FBXL7: variants seen among roughly 807,000 people sequenced by gnomAD.
FBXL7 encodes F-box/LRR-repeat protein 7.
In FBXL7, 12 loss-of-function variants were observed where a neutral mutation model predicts 38.3. The observed-to-expected ratio is 0.31, with a 90% CI of 0.20 to 0.51. FBXL7 has a LOEUF of 0.51. Among genes scored for constraint, FBXL7 ranks in the 20% least tolerant of loss-of-function variants. The pLI, the probability that FBXL7 is intolerant of heterozygous loss-of-function variation, is 0.98. For synonymous variants in FBXL7, 297 were observed against 300.9 expected (o/e 0.99, Z 0.13); for missense variants, 567 against 676.4 (o/e 0.84, Z 1.79).
chr5:15,548,440 C>T (rs1057202991), intron 1 of FBXL7, among the ~76,000 whole-genome samples: 5 of 152,154 alleles, frequency 3.3e-5, no homozygotes, highest in Admixed American at 2.0e-4. Flanking sequence ...CATACAGGTC[C>T]TGGGTAGTAA....
At chr5:15,857,402 CAG>C (rs1219347408) in intron 2 of FBXL7, among the ~76,000 whole-genome samples, 1 of 152,184 alleles carries the variant, frequency 6.6e-6, no homozygotes, top group Non-Finnish European at 1.5e-5. Context: ...CTGAGGAACA[CAG>C]AGAGAGCCTA....
Position 15,620,411 on chromosome 5 carries a change from T to TG in FBXL7, c.127+4339_127+4340insG, listed in dbSNP as rs1396105006. ...CCACGCCCAGCTAATTTTTTGTTTT[T>TG]TGTTTTTTTTTTTTTTTAAGTAGAA... is the stretch of plus-strand genomic sequence containing the variant. On this transcript the variant is annotated intron_variant, in intron 2 of 3. Transcript: ENST00000504595. 7.3e-5 allele frequency among the ~76,000 whole-genome samples: 8 copies of TG among 109,508 alleles called. No homozygotes were observed. In the East Asian group the frequency reaches 3.8e-3, roughly 52 times the overall value. The allele number at this position is 109,508 out of a possible 152,430, so 71.8% of individuals were successfully genotyped here.
At chr5:15,641,218 A>G (rs1368024092) in intron 2 of FBXL7, among the ~76,000 whole-genome samples, 2 of 152,240 alleles carry the variant, frequency 1.3e-5, no homozygotes, top group East Asian at 3.9e-4. Context: ...GAGTTGACCT[A>G]GTCCCACCTA....
chr5:15,739,964 G>A (rs199630275), intron 2 of FBXL7, among the ~76,000 whole-genome samples: 15 of 152,154 alleles, frequency 9.9e-5, no homozygotes, highest in African/African-American at 2.7e-4. Context: ...GGAACTGCCC[G>A]ACTATTCACC....
chr5:15,576,430 A>G (rs1456228402), intron 1 of FBXL7, among the ~76,000 whole-genome samples: 1 of 152,148 alleles, frequency 6.6e-6, no homozygotes, highest in Non-Finnish European at 1.5e-5. Flanking sequence ...GGCTGGGTTT[A>G]TCCTGAAGCA....
At chr5:15,812,168 T>A (rs1165621595) in intron 2 of FBXL7, among the ~76,000 whole-genome samples, 1 of 152,104 alleles carries the variant, frequency 6.6e-6, no homozygotes, top group Non-Finnish European at 1.5e-5. Context: ...TAAAAAGGAA[T>A]AAGTTCAGGT....
rs563521122 is a variant in FBXL7 at position 15,521,570 on chromosome 5, T to C, written c.37+20857T>C. 7.9e-4 allele frequency among the ~76,000 whole-genome samples: 121 copies of C among 152,338 alleles called. 2 individuals carry two copies. The highest frequency in any genetic ancestry group is 6.8e-3 in the Middle Eastern group (2 of 294). On this transcript the variant is annotated intron_variant, in intron 1 of 3. Coordinates refer to ENST00000504595, the MANE Select transcript of FBXL7 (RefSeq NM_012304.5). The stretch of plus-strand genomic sequence containing the variant: ...ATTGTGTATTTGGGCGGTGGTTATA[T>C]AGATTTAGATGCTTTCACTTTGGGA...
chr5:15,902,643 G>A (rs1032552200), intron 2 of FBXL7, among the ~76,000 whole-genome samples: 3 of 152,226 alleles, frequency 2.0e-5, no homozygotes, highest in African/African-American at 7.2e-5. Context: ...CTTGATGACA[G>A]AATTTGCTAG....
At chr5:15,699,187 G>A (rs986267972) in intron 2 of FBXL7, among the ~76,000 whole-genome samples, 1 of 152,076 alleles carries the variant, frequency 6.6e-6, no homozygotes, top group East Asian at 1.9e-4. Flanking sequence ...TAATTGGGGG[G>A]TATGTTCATT....
At chr5:15,654,725 AT>A in intron 2 of FBXL7, among the ~76,000 whole-genome samples, 1 of 152,138 alleles carries the variant, frequency 6.6e-6, no homozygotes. Context: ...TATGAGAGAT[AT>A]TGTCCAACAT....
chr5:15,913,435 T>G (rs528434888), intron 2 of FBXL7, among the ~76,000 whole-genome samples: 1 of 152,326 alleles, frequency 6.6e-6, no homozygotes, highest in East Asian at 1.9e-4. Context: ...GTGTTCTAAT[T>G]ACTTATTGAT....
chr5:15,860,329 T>G (rs768579847), intron 2 of FBXL7, among the ~76,000 whole-genome samples: 1 of 152,198 alleles, frequency 6.6e-6, no homozygotes, highest in Non-Finnish European at 1.5e-5. Context: ...TTTTCAATAT[T>G]ATTTCCAGAA....
At chr5:15,832,986 A>T (rs1022640253) in intron 2 of FBXL7, among the ~76,000 whole-genome samples, 1 of 152,094 alleles carries the variant, frequency 6.6e-6, no homozygotes, top group Non-Finnish European at 1.5e-5. Flanking sequence ...TGATGGTTTT[A>T]TAAAGGGCAG....
chr5:15,679,948 T>A (rs1742791729), intron 2 of FBXL7, among the ~76,000 whole-genome samples: 1 of 152,206 alleles, frequency 6.6e-6, no homozygotes, highest in African/African-American at 2.4e-5. Context: ...TATTTCCATT[T>A]CATAAACATT....
At chr5:15,805,711 G>GA (rs1211383666) in intron 2 of FBXL7, among the ~76,000 whole-genome samples, 2 of 151,248 alleles carry the variant, frequency 1.3e-5, no homozygotes, top group African/African-American at 4.9e-5. Flanking sequence ...AATCTATTCA[G>GA]AAAAAAAGGG....
At chr5:15,665,059 A>G (rs554211239) in intron 2 of FBXL7, among the ~76,000 whole-genome samples, 1 of 151,832 alleles carries the variant, frequency 6.6e-6, no homozygotes, top group African/African-American at 2.4e-5. Flanking sequence ...TTTTTTCTTC[A>G]GTATGTTGAG....
intron 2 of FBXL7, among the ~76,000 whole-genome samples, chr5:15,727,086 A>G (rs1319557518): frequency 6.6e-6 from 1 of 152,214 alleles, no homozygotes; most frequent in Non-Finnish European, 1.5e-5. Context: ...CTTGGCTTCA[A>G]TAACATACGA....
intron 2 of FBXL7, among the ~76,000 whole-genome samples, chr5:15,651,832 T>G (rs1741718400): frequency 6.6e-6 from 1 of 152,236 alleles, no homozygotes; most frequent in African/African-American, 2.4e-5. Flanking sequence ...TCTCTCTAGC[T>G]GTGAAAGTTC....
At chr5:15,567,583 CT>C (rs998633260) in intron 1 of FBXL7, among the ~76,000 whole-genome samples, 27 of 150,626 alleles carry the variant, frequency 1.8e-4, no homozygotes, top group Middle Eastern at 3.4e-3. Flanking sequence ...TCTCTTTCTT[CT>C]TTTTTTTATA....
Sources: gnomAD v4.1 joint callset for allele counts (sites outside exome capture counted in the v4.1 genomes callset) on GRCh38, gnomAD v4.1.1 for gene constraint, MANE v1.5 for transcripts, NCBI Gene and HGNC (gene_info 2026-07-23, HGNC 2026-07-21) for gene names.